The following MORC1 variants were observed in gnomAD, a reference collection of about 807,000 sequenced individuals.
MORC1 encodes the protein MORC family CW-type zinc finger 1, also known as MORC family CW-type zinc finger protein 1.
MORC1 carries 59 observed loss-of-function variants against 134.9 expected under a neutral mutation model. That is an observed-to-expected ratio of 0.44 (90% CI 0.35 to 0.54). MORC1 has a LOEUF of 0.54. MORC1 is among the 20% of genes least tolerant of loss of function. The pLI, the probability that MORC1 is intolerant of heterozygous loss-of-function variation, is 0.00. For missense variants in MORC1, 947 were observed against 1,134.5 expected (o/e 0.83, Z 2.37); for synonymous variants, 395 against 391.7 (o/e 1.01, Z -0.10).
chr3:108,991,240 C>T (rs1028872233), intron 21 of MORC1, among the ~76,000 whole-genome samples: 6 of 152,164 alleles, frequency 3.9e-5, no homozygotes, highest in Admixed American at 1.3e-4. Context: ...GATTTTTACA[C>T]TGTAGAGGCC....
chr3:109,035,453 G>A lies in MORC1; in HGVS notation c.1346C>T (p.Thr449Ile). The change falls in exon 15 of 28, where the codon ACA becomes ATA. Residue 449 changes from threonine to isoleucine, a missense_variant. By Grantham distance (89) the Thr-to-Ile change is moderately conservative. Coordinates refer to ENST00000232603, the MANE Select transcript of MORC1 (RefSeq NM_014429.4). ...KDTGINNRNL[T>I]LFCNEFGYQN... ...GTATCCAAATTCATTGCAAAACAAT[G>A]TTAAATTTCTATTATCTTTTAAAAA... is the stretch of plus-strand genomic sequence containing the variant. 1 of 1,452,994 alleles carries A rather than the reference G, an allele frequency of 6.9e-7. No individual in the cohort carries two copies. The highest frequency in any genetic ancestry group is 9.3e-7 in the Non-Finnish European group (1 of 1,080,188). The allele number at this position is 1,452,994 out of a possible 1,614,324, so 90.0% of individuals were successfully genotyped here. A position where few individuals can be genotyped will look rare whatever the true frequency, so the allele number is the denominator to read the frequency against.
intron 9 of MORC1, among the ~76,000 whole-genome samples, chr3:109,064,708 G>A (rs1410199599): frequency 6.6e-6 from 1 of 152,062 alleles, no homozygotes; most frequent in Non-Finnish European, 1.5e-5. Context: ...AGTTATAAGA[G>A]TTTACCTGGT....
chr3:108,982,625 A>G (rs1947765820), intron 23 of MORC1, among the ~76,000 whole-genome samples: 1 of 151,718 alleles, frequency 6.6e-6, no homozygotes, highest in African/African-American at 2.4e-5. Context: ...GAAATACCTA[A>G]CATAAATGAC....
At chr3:109,062,787 G>A (rs552985681) in intron 10 of MORC1, among the ~76,000 whole-genome samples, 5 of 152,132 alleles carry the variant, frequency 3.3e-5, no homozygotes, top group African/African-American at 1.2e-4. Context: ...ACACAGTCTC[G>A]CTATGTTGCC....
At position 109,118,042 on chromosome 3, in the gene MORC1, A is replaced by C; in HGVS notation, c.18T>G (p.Pro6=). The C allele has an allele frequency of 6.2e-7, 1 of 1,609,720 alleles. No individual in the cohort carries two copies. Among genetic ancestry groups the C allele is most frequent in the Non-Finnish European group, 8.5e-7 (1 of 1,178,406 alleles). The change falls in exon 1 of 28, where the codon CCT becomes CCG. Residue 6 remains proline (P), a synonymous_variant. Transcript: ENST00000232603. ...GACGCAGCTGGGCCCGCTGAAGCGCAGGGTACCTGTCGTCCATGCCCTCGA... is the reference window on the plus strand; with the variant it reads ...GACGCAGCTGGGCCCGCTGAAGCGCCGGGTACCTGTCGTCCATGCCCTCGA... MDDRY[P]ALQRAQLRLD... is the part of the protein sequence containing the mutation.
intron 14 of MORC1, among the ~76,000 whole-genome samples, chr3:109,051,083 T>G (rs1407550765): frequency 6.6e-6 from 1 of 152,208 alleles, no homozygotes; most frequent in Non-Finnish European, 1.5e-5. Flanking sequence ...ATTGTAAGGA[T>G]GTATAAAGCT....
At chr3:109,014,968 C>G (rs556998525) in intron 17 of MORC1, among the ~76,000 whole-genome samples, 1 of 152,254 alleles carries the variant, frequency 6.6e-6, no homozygotes, top group East Asian at 1.9e-4. Context: ...TCACTGCAAC[C>G]TCTGCCTCCT....
rs1010182219 is a variant in MORC1, at chr3:109,000,572, A to C, written c.2172T>G (p.Asp724Glu). Residue 724 changes from aspartate (D) to glutamate (E), a missense_variant, in exon 21 of 28, where the codon GAT (aspartate) becomes GAG (glutamate). Asp to Glu is a conservative substitution (Grantham distance 45). Around this residue, in one of 3 missense-constraint regions of MORC1, gnomAD observed 722 missense variants for 817.0 expected, o/e 0.88. Transcript: ENST00000232603. Reference protein sequence around the residue: ...KVLTEDENTSDSDIILVSDKS... With the variant: ...KVLTEDENTSESDIILVSDKS... The stretch of plus-strand genomic sequence containing the variant: ...TTTATCTCACCAGGATTATATCTGA[A>C]TCACTCGTGTTCTCATCTTCAGTCA... 1.2e-6 allele frequency: 2 copies of C among 1,607,038 alleles called. No individual in the cohort carries two copies. Among genetic ancestry groups the C allele is most frequent in the Non-Finnish European group, 1.7e-6 (2 of 1,176,442 alleles).
rs1950093326 is a variant in MORC1 at position 109,061,915 on chromosome 3, G to A, written c.966+73C>T. The A allele has an allele frequency of 8.3e-6, 11 of 1,326,012 alleles. No individual in the cohort carries two copies. In the East Asian group the frequency reaches 2.5e-4, roughly 30 times the overall value. The allele number at this position is 1,326,012 out of a possible 1,614,324, so 82.1% of individuals were successfully genotyped here. ...AAAGTTTAGGAAGTAGATGATAAGA[G>A]ACAACTATGCACAGGAAAAAGCAAA... On this transcript the variant is annotated intron_variant, in intron 11 of 27. Transcript: ENST00000232603.
chr3:109,110,641 C>T lies in MORC1; in HGVS notation c.154+108G>A, dbSNP rs920682502. On this transcript the variant is annotated intron_variant, in intron 3 of 27. Transcript: ENST00000232603. ...CTGTACCCACAAAGCACTTAGATTA[C>T]ATTAAAATTCTATAGAATGTGGTTT... 9 of 945,342 alleles carry T rather than the reference C, an allele frequency of 9.5e-6. No individual in the cohort carries two copies. In the African/African-American group the frequency reaches 1.4e-4, roughly 14 times the overall value. The allele number at this position is 945,342 out of a possible 1,614,324, so 58.6% of individuals were successfully genotyped here. A position where few individuals can be genotyped will look rare whatever the true frequency, so the allele number is the denominator to read the frequency against.
intron 23 of MORC1, among the ~76,000 whole-genome samples, chr3:108,982,743 AAG>A (rs1947774893): frequency 7.2e-6 from 1 of 138,402 alleles, no homozygotes; most frequent in Non-Finnish European, 1.6e-5. Flanking sequence ...AAAAAAAAAG[AAG>A]AAGAAGAAGA....
rs753870488 is a variant in MORC1, at chr3:109,062,070, A to G, written c.896-12T>C. On this transcript the variant is annotated splice_polypyrimidine_tract_variant and intron_variant, in intron 10 of 27. Coordinates refer to ENST00000232603, the MANE Select transcript of MORC1 (RefSeq NM_014429.4). ...CAATATGGATTCAGCTGGAAGTAGAAGCCAAATAGTTATAACACAGCAAAA... is the reference window on the plus strand; with the variant it reads ...CAATATGGATTCAGCTGGAAGTAGAGGCCAAATAGTTATAACACAGCAAAA... The G allele has an allele frequency of 2.5e-6, 4 of 1,613,568 alleles. No individual in the cohort carries two copies. The highest frequency in any genetic ancestry group is 1.7e-4 in the Middle Eastern group (1 of 6,052).
intron 27 of MORC1, among the ~76,000 whole-genome samples, chr3:108,961,904 G>A (rs1947090374): frequency 6.6e-6 from 1 of 152,218 alleles, no homozygotes; most frequent in Admixed American, 6.5e-5. Context: ...TAGTCAGGAA[G>A]TGGTATTCAA....
At chr3:109,096,593 A>G (rs1351249707) in intron 6 of MORC1, among the ~76,000 whole-genome samples, 1 of 152,204 alleles carries the variant, frequency 6.6e-6, no homozygotes, top group East Asian at 1.9e-4. Context: ...TGCCCACCCT[A>G]TTCCTGGAAA....
intron 27 of MORC1, 117 bp downstream of exon 27, chr3:108,963,297 G>A: frequency 2.6e-6 from 2 of 776,720 alleles, no homozygotes; most frequent in Non-Finnish European, 4.2e-6. Flanking sequence ...AGAGAGTAAG[G>A]GCTGACTTAA....
At chr3:109,063,713 A>C (rs955452465) in intron 9 of MORC1, among the ~76,000 whole-genome samples, 2 of 152,190 alleles carry the variant, frequency 1.3e-5, no homozygotes, top group Non-Finnish European at 2.9e-5. Flanking sequence ...TTACTGATAG[A>C]GAAACCTGTT....
In MORC1 at chr3:109,057,502, A is replaced by T; in HGVS notation, c.1032-16T>A. ...TTTTAATTCTCTAGAGTTACATTTA[A>T]AAAGTTTAAAAAGTTGTTTATTAAA... On this transcript the variant is annotated splice_polypyrimidine_tract_variant and intron_variant, in intron 12 of 27. Transcript: ENST00000232603. 6.4e-7 allele frequency: 1 copy of T among 1,551,546 alleles called. No homozygotes were observed. The highest frequency in any genetic ancestry group is 8.7e-7 in the Non-Finnish European group (1 of 1,152,406).
intron 6 of MORC1, among the ~76,000 whole-genome samples, 165 bp from the exon 7 acceptor site, chr3:109,095,233 G>A (rs567426702): frequency 6.6e-6 from 1 of 152,202 alleles, no homozygotes; most frequent in East Asian, 1.9e-4. Context: ...CATAACAAAT[G>A]TGTATAGACA....
intron 21 of MORC1, among the ~76,000 whole-genome samples, chr3:108,994,644 T>C (rs1948149799): frequency 6.6e-6 from 1 of 152,052 alleles, no homozygotes; most frequent in Non-Finnish European, 1.5e-5. Context: ...GGAGAGTGTG[T>C]TCCTCCAAGA....
Sources: gnomAD v4.1 joint callset for allele counts (sites outside exome capture counted in the v4.1 genomes callset) on GRCh38, gnomAD v4.1.1 for gene constraint, gnomAD v4.1.1 regional missense constraint, MANE v1.5 for transcripts, NCBI Gene and HGNC (gene_info 2026-07-23, HGNC 2026-07-21) for gene names.